Variants in DTWD2 observed in about 807,000 individuals in gnomAD.
DTWD2 encodes the protein DTW motif tRNA-uridine aminocarboxypropyltransferase 2, also known as tRNA-uridine aminocarboxypropyltransferase 2.
Under a neutral mutation model 31.8 loss-of-function variants are expected in DTWD2, and 39 were observed. That is an observed-to-expected ratio of 1.22 (90% CI 0.95 to 1.60). The LOEUF (loss-of-function observed/expected upper bound fraction) is 1.60, where lower values mean the gene tolerates loss of function less well. Among genes scored for constraint, DTWD2 ranks in the 40% most tolerant of loss-of-function variants. The pLI is 0.00. For missense variants in DTWD2, 515 were observed against 381.5 expected (o/e 1.35, Z -2.92); for synonymous variants, 180 against 142.8 (o/e 1.26, Z -1.86).
At position 118,982,525 on chromosome 5, in the gene DTWD2, T is replaced by A. The variant is rs185625926; in HGVS notation, c.218+5769A>T. Among the ~76,000 whole-genome samples, 105 of 152,236 alleles carry A rather than the reference T, an allele frequency of 6.9e-4. 2 individuals carry two copies. Among genetic ancestry groups the A allele is most frequent in the African/African-American group, 2.4e-3 (99 of 41,540 alleles). On this transcript the variant is annotated intron_variant, in intron 1 of 5. Transcript: ENST00000510708. ...AATAAACTATTTCAAAGAATAAACA[T>A]ATTTTCTATACTAACAGGAAAGAAC...
intron 4 of DTWD2, among the ~76,000 whole-genome samples, chr5:118,922,805 C>T (rs1419445784): frequency 6.6e-6 from 1 of 152,138 alleles, no homozygotes; most frequent in Non-Finnish European, 1.5e-5. Context: ...GAGGAACTTC[C>T]TAATTCATGC....
rs531249237 is a variant in DTWD2 at position 118,939,835 on chromosome 5, T to C, written c.310-545A>G. 4.7e-3 allele frequency among the ~76,000 whole-genome samples: 710 copies of C among 152,228 alleles called. 6 individuals are homozygous for C. The highest frequency in any genetic ancestry group is 0.017 in the African/African-American group (695 of 41,550). On this transcript the variant is annotated intron_variant, in intron 2 of 5. Transcript: ENST00000510708. ...CTTAAAGAGCTCCCAATGGCTAAAATTGAACAATCTGAGCAAGAAAATAAA... is the reference window on the plus strand; with the variant it reads ...CTTAAAGAGCTCCCAATGGCTAAAACTGAACAATCTGAGCAAGAAAATAAA...
chr5:118,886,540 T>C (rs1752872407), intron 4 of DTWD2, among the ~76,000 whole-genome samples: 4 of 152,194 alleles, frequency 2.6e-5, no homozygotes, highest in African/African-American at 9.7e-5. Context: ...GACTTCTAGA[T>C]ATACAGGGAA....
At chr5:118,852,365 AAAGT>A (rs149242144) in intron 4 of DTWD2, among the ~76,000 whole-genome samples, 2,532 of 152,302 alleles carry the variant, frequency 0.017, 55 homozygotes, top group African/African-American at 0.053. Flanking sequence ...TTAAGAGATT[AAAGT>A]AAGACAGGTG....
chr5:118,979,110 CT>C (rs1015608996), intron 1 of DTWD2, among the ~76,000 whole-genome samples: 28 of 152,106 alleles, frequency 1.8e-4, no homozygotes, highest in African/African-American at 6.8e-4. Context: ...CAAGACCATC[CT>C]GGCTAACATG....
intron 4 of DTWD2, among the ~76,000 whole-genome samples, chr5:118,864,153 G>A (rs1179385734): frequency 1.2e-5 from 1 of 85,496 alleles, no homozygotes; most frequent in Non-Finnish European, 2.2e-5. Context: ...ATGATAGACT[G>A]GATTAAGAAA....
chr5:118,917,904 G>A (rs1298679227), intron 4 of DTWD2, among the ~76,000 whole-genome samples: 3 of 151,928 alleles, frequency 2.0e-5, no homozygotes, highest in Non-Finnish European at 4.4e-5. Flanking sequence ...GGCAGACGTT[G>A]TAGTGAGCCG....
At chr5:118,968,966 A>G (rs1010990278) in intron 1 of DTWD2, among the ~76,000 whole-genome samples, 6 of 152,306 alleles carry the variant, frequency 3.9e-5, no homozygotes, top group African/African-American at 1.4e-4. Flanking sequence ...GGCAGCTGCC[A>G]TCTCTGTGGT....
At chr5:118,887,700 C>A (rs1359414478) in intron 4 of DTWD2, among the ~76,000 whole-genome samples, 6 of 152,170 alleles carry the variant, frequency 3.9e-5, no homozygotes, top group African/African-American at 9.7e-5. Flanking sequence ...CTCACCGCAG[C>A]CTCAAACTCC....
intron 3 of DTWD2, among the ~76,000 whole-genome samples, chr5:118,932,265 C>T (rs1264882617): frequency 1.3e-5 from 2 of 150,164 alleles, no homozygotes; most frequent in Non-Finnish European, 3.0e-5. Context: ...TCACTTGAGG[C>T]CAGGAGCTCA....
At chr5:118,868,987 A>G (rs1332330527) in intron 4 of DTWD2, among the ~76,000 whole-genome samples, 1 of 152,136 alleles carries the variant, frequency 6.6e-6, no homozygotes, top group Non-Finnish European at 1.5e-5. Flanking sequence ...ATATGAGGTA[A>G]CTAGAGGAGT....
intron 4 of DTWD2, among the ~76,000 whole-genome samples, chr5:118,860,897 C>T (rs554361249): frequency 1.3e-4 from 20 of 152,184 alleles, no homozygotes; most frequent in African/African-American, 3.4e-4. Flanking sequence ...TTATATAAGT[C>T]GCAAATTTTT....
intron 1 of DTWD2, among the ~76,000 whole-genome samples, chr5:118,955,967 C>A (rs191548366): frequency 9.2e-5 from 14 of 152,092 alleles, no homozygotes; most frequent in African/African-American, 3.1e-4. Flanking sequence ...AAACTAACAT[C>A]TAAAGAAATA....
chr5:118,899,284 G>A (rs900848563), intron 4 of DTWD2, among the ~76,000 whole-genome samples: 1 of 152,156 alleles, frequency 6.6e-6, no homozygotes, highest in Non-Finnish European at 1.5e-5. Flanking sequence ...TAGTGCTATT[G>A]GGCATAAGTT....
chr5:118,870,717 T>C (rs963309423), intron 4 of DTWD2, among the ~76,000 whole-genome samples: 1 of 152,172 alleles, frequency 6.6e-6, no homozygotes, highest in African/African-American at 2.4e-5. Context: ...TTGGGTAGGC[T>C]GTGGCAATTT....
chr5:118,961,762 G>C (rs1023988872), intron 1 of DTWD2, among the ~76,000 whole-genome samples: 3 of 151,878 alleles, frequency 2.0e-5, no homozygotes, highest in African/African-American at 7.3e-5. Flanking sequence ...TTGTATACTT[G>C]CTTTATTGGG....
intron 4 of DTWD2, among the ~76,000 whole-genome samples, chr5:118,916,295 TA>T (rs777755849): frequency 2.0e-5 from 3 of 152,242 alleles, no homozygotes; most frequent in Non-Finnish European, 4.4e-5. Context: ...GGTCCATGAT[TA>T]TTTTTTTGTT....
intron 4 of DTWD2, among the ~76,000 whole-genome samples, chr5:118,848,718 G>A (rs1003255079): frequency 6.6e-6 from 1 of 152,092 alleles, no homozygotes; most frequent in Non-Finnish European, 1.5e-5. Flanking sequence ...CAGAAATAAT[G>A]CCACACATCT....
chr5:118,984,090 C>T (rs1365786258), intron 1 of DTWD2, among the ~76,000 whole-genome samples: 2 of 152,180 alleles, frequency 1.3e-5, no homozygotes, highest in Non-Finnish European at 1.5e-5. Context: ...AGCTCGAGAC[C>T]AGCCTGACCA....
Sources: gnomAD v4.1 joint callset for allele counts (sites outside exome capture counted in the v4.1 genomes callset) on GRCh38, gnomAD v4.1.1 for gene constraint, MANE v1.5 for transcripts, NCBI Gene and HGNC (gene_info 2026-07-23, HGNC 2026-07-21) for gene names.